Variants in NPR3 observed in about 807,000 individuals in gnomAD.
The protein encoded by NPR3 is atrial natriuretic peptide receptor 3.
NPR3 carries 34 observed loss-of-function variants against 54.5 expected under a neutral mutation model. The ratio of observed to expected loss-of-function variants is 0.62; its 90% CI spans 0.47 to 0.83. The LOEUF (loss-of-function observed/expected upper bound fraction) is 0.83, where lower values mean the gene tolerates loss of function less well. NPR3 is among the 40% of genes least tolerant of loss of function. The probability of loss-of-function intolerance (pLI) is 0.00; values close to 1 mark genes in which losing one functional copy is unlikely to be tolerated. For missense variants in NPR3, 674 were observed against 720.8 expected, an observed-to-expected ratio of 0.94 and a Z score of 0.74; for synonymous variants, 289 against 297.1, an observed-to-expected ratio of 0.97 and a Z score of 0.28.
At chr5:32,774,155 A>T (rs574235016) in intron 3 of NPR3, among the ~76,000 whole-genome samples, 1 of 152,328 alleles carries the variant, frequency 6.6e-6, no homozygotes, top group South Asian at 2.1e-4. Context: ...TACTAATGGG[A>T]GAGAGGACAC....
At chr5:32,701,115 TG>T (rs1214381882) in intron 1 of NPR3, among the ~76,000 whole-genome samples, 1 of 152,236 alleles carries the variant, frequency 6.6e-6, no homozygotes, top group Non-Finnish European at 1.5e-5. Context: ...GGTATCTCAT[TG>T]TATTTTTGAT....
At chr5:32,773,294 T>C (rs920964507) in intron 3 of NPR3, among the ~76,000 whole-genome samples, 3 of 152,220 alleles carry the variant, frequency 2.0e-5, no homozygotes, top group Non-Finnish European at 2.9e-5. Context: ...TGTTTCAAGA[T>C]TCAATTTGCT....
rs985205767 is a variant in NPR3 at position 32,745,348 on chromosome 5, C to T, written c.1059+6318C>T. Among the ~76,000 whole-genome samples, 5 of 152,244 alleles carry T rather than the reference C, an allele frequency of 3.3e-5. 1 individual carries two copies. The highest frequency in any genetic ancestry group is 2.1e-4 in the South Asian group (1 of 4,820). On this transcript the variant is annotated intron_variant, in intron 3 of 7. Coordinates refer to ENST00000265074, the MANE Select transcript of NPR3 (RefSeq NM_001204375.2). ...CTCAGACAAGTTTTTGCCAAGTACC[C>T]GCCTGGCCTTTTCTGGTGGTTTCTA...
chr5:32,712,690 G>C, intron 1 of NPR3, 145 bp downstream of exon 1: 2 of 736,436 alleles, frequency 2.7e-6, no homozygotes, highest in East Asian at 2.6e-5. Context: ...GGTATGCGCC[G>C]TGTGGCTGCG....
chr5:32,783,444 A>C (rs770886109), intron 6 of NPR3: 1 of 158,634 alleles, frequency 6.3e-6, no homozygotes, highest in East Asian at 1.9e-4. Context: ...ACATTTACAC[A>C]TTGGCAAATA....
chr5:32,710,968 T>A (rs1188571651), upstream of NPR3, among the ~76,000 whole-genome samples: 1 of 151,238 alleles, frequency 6.6e-6, no homozygotes, highest in Non-Finnish European at 1.5e-5. Context: ...GTTTCCTTTT[T>A]TGAAGCCAGG....
chr5:32,741,576 A>C (rs2111955861), intron 3 of NPR3, among the ~76,000 whole-genome samples: 1 of 152,334 alleles, frequency 6.6e-6, no homozygotes, highest in South Asian at 2.1e-4. Context: ...AAACCTGATA[A>C]GAGCACTTTA....
intron 4 of NPR3, 26 bp from the exon 5 acceptor site, chr5:32,780,696 T>G (rs746049841): frequency 7.0e-5 from 73 of 1,037,080 alleles, no homozygotes; most frequent in Non-Finnish European, 1.0e-4. Context: ...TAACCAACGT[T>G]GAGTTCTTCG....
chr5:32,725,539 G>T (rs1739097332), intron 2 of NPR3, among the ~76,000 whole-genome samples: 1 of 152,140 alleles, frequency 6.6e-6, no homozygotes, highest in Non-Finnish European at 1.5e-5. Context: ...CTCTTGTCCA[G>T]TGCTTTTCCA....
In NPR3 at chr5:32,784,813, T is replaced by C; in HGVS notation, c.1444T>C (p.Ser482Pro). 1 of 1,613,698 alleles carries C rather than the reference T, an allele frequency of 6.2e-7. No individual in the cohort carries two copies. Among genetic ancestry groups the C allele is most frequent in the Non-Finnish European group, 8.5e-7 (1 of 1,179,704 alleles). ...TTTTCAAGCAGGTGGCCTAGAAGAATCGGCAGTGACAGGAATTGTCGTGGG... is the reference window on the plus strand; with the variant it reads ...TTTTCAAGCAGGTGGCCTAGAAGAACCGGCAGTGACAGGAATTGTCGTGGG... ...PCKSSGGLEE[S>P]AVTGIVVGAL... is the part of the protein sequence containing the mutation. The change falls in exon 7 of 8, where the codon TCG becomes CCG. Residue 482 changes from serine to proline, a missense_variant. By Grantham distance (74) the Ser-to-Pro change is moderately conservative (BLOSUM62 -1). Transcript: ENST00000265074.
intron 1 of NPR3, among the ~76,000 whole-genome samples, chr5:32,717,421 T>A (rs1738616713): frequency 6.6e-6 from 1 of 152,204 alleles, no homozygotes; most frequent in Admixed American, 6.5e-5. Flanking sequence ...CCTTGAGGAA[T>A]TGCCACACTG....
chr5:32,728,217 C>T (rs79040908), intron 2 of NPR3, among the ~76,000 whole-genome samples: 1 of 152,082 alleles, frequency 6.6e-6, no homozygotes, highest in Non-Finnish European at 1.5e-5. Flanking sequence ...AATGCTAGCA[C>T]TTTGGGAGGC....
At chr5:32,743,562 A>G (rs1740143055) in intron 3 of NPR3, among the ~76,000 whole-genome samples, 1 of 152,150 alleles carries the variant, frequency 6.6e-6, no homozygotes, top group Non-Finnish European at 1.5e-5. Flanking sequence ...GATTGTAACC[A>G]TTTCTGCACT....
chr5:32,767,363 A>G (rs756100180), intron 3 of NPR3, among the ~76,000 whole-genome samples: 4 of 152,244 alleles, frequency 2.6e-5, no homozygotes, highest in Non-Finnish European at 5.9e-5. Flanking sequence ...CTGTCATAGG[A>G]TAATAACAGT....
upstream of NPR3, among the ~76,000 whole-genome samples, chr5:32,710,955 C>T (rs889190594): frequency 2.0e-5 from 3 of 147,784 alleles, no homozygotes; most frequent in South Asian, 4.2e-4. Flanking sequence ...TACTTTAAAG[C>T]ACGTTTCCTT....
chr5:32,780,675 G>T, intron 4 of NPR3, 47 bp from the exon 5 acceptor site: 1 of 837,416 alleles, frequency 1.2e-6, no homozygotes, highest in South Asian at 1.3e-5. Context: ...GGCAGACAGA[G>T]GTATTTTAAG....
At position 32,784,789 on chromosome 5, in the gene NPR3, T is replaced by A; in HGVS notation, c.1427-7T>A. ...TGAACCCTGATTATCCATGCTTCTT[T>A]TTCAAGCAGGTGGCCTAGAAGAATC... On this transcript the variant is annotated splice_polypyrimidine_tract_variant and splice_region_variant and intron_variant, in intron 6 of 7. Coordinates refer to ENST00000265074, the MANE Select transcript of NPR3 (RefSeq NM_001204375.2). 6.2e-7 allele frequency: 1 copy of A among 1,611,634 alleles called. No individual in the cohort carries two copies. The highest frequency in any genetic ancestry group is 8.5e-7 in the Non-Finnish European group (1 of 1,177,862).
At chr5:32,744,816 G>A (rs1740213788) in intron 3 of NPR3, among the ~76,000 whole-genome samples, 1 of 152,118 alleles carries the variant, frequency 6.6e-6, no homozygotes, top group Non-Finnish European at 1.5e-5. Flanking sequence ...CTCTTGGGTT[G>A]TAATTACACA....
chr5:32,754,141 TA>T (rs956423579), intron 3 of NPR3, among the ~76,000 whole-genome samples: 6 of 152,164 alleles, frequency 3.9e-5, no homozygotes, highest in South Asian at 4.1e-4. Context: ...TTCTGGTTCA[TA>T]AGGCCTGGCC....
Sources: allele counts gnomAD v4.1 joint callset (sites outside exome capture counted in the v4.1 genomes callset), GRCh38; gene constraint gnomAD v4.1.1; transcripts MANE v1.5; gene names NCBI Gene and HGNC (gene_info 2026-07-23, HGNC 2026-07-21).